FRMPD2: variants seen among roughly 807,000 people sequenced by gnomAD.
FRMPD2 encodes FERM and PDZ domain containing 2, also known as FERM and PDZ domain-containing protein 2.
Under a neutral mutation model 140.1 loss-of-function variants are expected in FRMPD2, and 96 were observed. That is an observed-to-expected ratio of 0.69 (90% CI 0.58 to 0.81). FRMPD2 has a LOEUF of 0.81. FRMPD2 is among the 40% of genes least tolerant of loss of function. FRMPD2 has a pLI of 0.00. For synonymous variants in FRMPD2, 449 were observed against 547.6 expected (o/e 0.82, Z 2.52); for missense variants, 1,240 against 1,447.4 (o/e 0.86, Z 2.32).
chr10:48,187,979 C>T (rs879542911), intron 16 of FRMPD2, among the ~76,000 whole-genome samples: 1 of 152,130 alleles, frequency 6.6e-6, no homozygotes, highest in Non-Finnish European at 1.5e-5. Flanking sequence ...TTGCCACAGC[C>T]CCGGGGTCAG....
chr10:48,260,831 G>T (rs1268396046), intron 1 of FRMPD2, among the ~76,000 whole-genome samples: 3 of 152,112 alleles, frequency 2.0e-5, no homozygotes, highest in African/African-American at 4.8e-5. Flanking sequence ...CAGAAATCTT[G>T]GGATTATCAT....
At position 48,212,037 on chromosome 10, in the gene FRMPD2, G is replaced by A. The variant is rs370652383; in HGVS notation, c.1528C>T (p.Leu510=). The A allele has an allele frequency of 6.2e-7, 1 of 1,613,956 alleles. No individual in the cohort carries two copies. Among genetic ancestry groups the A allele is most frequent in the East Asian group, 2.2e-5 (1 of 44,882 alleles). The part of the protein sequence containing the change: ...PASLIERMTA[L]RVQVEVSEMH... ...TCTGAGACTTCAACCTGGACCCGTAGAGCGGTCATCCTCTCGATCAGACTC... is the reference window on the plus strand; with the variant it reads ...TCTGAGACTTCAACCTGGACCCGTAAAGCGGTCATCCTCTCGATCAGACTC... The change falls in exon 13 of 29, where the codon CTA becomes TTA. Residue 510 remains leucine, a synonymous_variant. Transcript: ENST00000374201.
intron 6 of FRMPD2, 132 bp downstream of exon 6, chr10:48,240,228 G>T: frequency 1.0e-6 from 1 of 980,310 alleles, no homozygotes; most frequent in South Asian, 1.7e-5. Flanking sequence ...CTCTTCAGGG[G>T]CTTCCTGAAA....
intron 1 of FRMPD2, among the ~76,000 whole-genome samples, chr10:48,270,720 C>T (rs1241007512): frequency 6.6e-6 from 1 of 152,010 alleles, no homozygotes; most frequent in Non-Finnish European, 1.5e-5. Context: ...CCTCTTTCAA[C>T]CTCTCTTATT....
chr10:48,191,187 C>A (rs1184418535), intron 16 of FRMPD2, among the ~76,000 whole-genome samples: 1 of 152,068 alleles, frequency 6.6e-6, no homozygotes, highest in Admixed American at 6.6e-5. Flanking sequence ...TGCTGGAGAC[C>A]CCACATGAAG....
chr10:48,179,750 ACAT>A (rs1838496004), intron 21 of FRMPD2, among the ~76,000 whole-genome samples: 1 of 152,110 alleles, frequency 6.6e-6, no homozygotes, highest in African/African-American at 2.4e-5. Flanking sequence ...CTGTGGACAG[ACAT>A]CATTATCTCC....
Position 48,252,738 on chromosome 10 carries a change from T to A in FRMPD2, c.26-1047A>T, listed in dbSNP as rs1296454037. Reference sequence around the variant, plus strand: ...AGCTTGACCTGTGAGCCGTCACTTATCACAAGGAGTCTGTGAAGAAGGGAG... The same window carrying A: ...AGCTTGACCTGTGAGCCGTCACTTAACACAAGGAGTCTGTGAAGAAGGGAG... On this transcript the variant is annotated intron_variant, in intron 1 of 28. Coordinates refer to ENST00000374201, the MANE Select transcript of FRMPD2 (RefSeq NM_001018071.4). 3.3e-5 allele frequency among the ~76,000 whole-genome samples: 5 copies of A among 152,168 alleles called. No individual in the cohort carries two copies. In the South Asian group the frequency reaches 1.0e-3, roughly 32 times the overall value.
chr10:48,215,836 T>C (rs574607728), intron 12 of FRMPD2, among the ~76,000 whole-genome samples: 1 of 152,280 alleles, frequency 6.6e-6, no homozygotes, highest in East Asian at 1.9e-4. Flanking sequence ...TGGTCCATTT[T>C]ATGTGTCAAC....
At chr10:48,224,090 A>G (rs1279057371) in intron 10 of FRMPD2, among the ~76,000 whole-genome samples, 1 of 152,216 alleles carries the variant, frequency 6.6e-6, no homozygotes, top group African/African-American at 2.4e-5. Context: ...AAGTGGTTCC[A>G]GATTGAAAAT....
intron 3 of FRMPD2, 112 bp downstream of exon 3, chr10:48,248,909 T>C (rs1218298809): frequency 1.1e-6 from 1 of 879,104 alleles, no homozygotes; most frequent in African/African-American, 1.7e-5. Context: ...TCTGGCTTGG[T>C]GTTGAGAACC....
At chr10:48,258,884 A>T (rs1326918874) in intron 1 of FRMPD2, among the ~76,000 whole-genome samples, 1 of 152,264 alleles carries the variant, frequency 6.6e-6, no homozygotes, top group African/African-American at 2.4e-5. Flanking sequence ...TTTTATAAAA[A>T]TTATTGAATT....
chr10:48,184,985 T>C (rs2131837700), intron 18 of FRMPD2, 104 bp from the exon 19 acceptor site: 1 of 739,810 alleles, frequency 1.4e-6, no homozygotes, highest in African/African-American at 1.8e-5. Flanking sequence ...CAAGTGGCAT[T>C]AGCTGATAGT....
chr10:48,234,656 G>C (rs1588845467), intron 9 of FRMPD2, among the ~76,000 whole-genome samples: 1 of 152,276 alleles, frequency 6.6e-6, no homozygotes, highest in East Asian at 1.9e-4. Context: ...CTGTTTCCCA[G>C]GTAAGGGACA....
At chr10:48,267,889 A>G (rs1194493954) in intron 1 of FRMPD2, among the ~76,000 whole-genome samples, 1 of 152,240 alleles carries the variant, frequency 6.6e-6, no homozygotes, top group Admixed American at 6.5e-5. Flanking sequence ...AAGAAGCCAG[A>G]TGTAAAAGCC....
chr10:48,273,510 C>T (rs762481533), intron 1 of FRMPD2, among the ~76,000 whole-genome samples: 3 of 152,164 alleles, frequency 2.0e-5, no homozygotes, highest in Non-Finnish European at 2.9e-5. Context: ...TTTGCATGTG[C>T]TTTTCTCTGC....
At chr10:48,192,974 T>C (rs1838870273) in intron 15 of FRMPD2, 80 bp from the exon 16 acceptor site, 1 of 1,054,198 alleles carries the variant, frequency 9.5e-7, no homozygotes, top group Admixed American at 1.7e-5. Flanking sequence ...TTGTAACATA[T>C]CACTGGGCCC....
intron 15 of FRMPD2, among the ~76,000 whole-genome samples, chr10:48,196,691 G>A (rs1429783332): frequency 6.6e-6 from 1 of 152,212 alleles, no homozygotes; most frequent in South Asian, 2.1e-4. Context: ...GTTCTCGGCT[G>A]CATGTAATCG....
At chr10:48,177,550 G>A (rs1408714978) in intron 22 of FRMPD2, 1 of 160,996 alleles carries the variant, frequency 6.2e-6, no homozygotes, top group Non-Finnish European at 1.4e-5. Context: ...CTTTCACAAG[G>A]GTCTACCAGG....
At chr10:48,186,980 T>C (rs1476501855) in intron 17 of FRMPD2, among the ~76,000 whole-genome samples, 1 of 152,158 alleles carries the variant, frequency 6.6e-6, no homozygotes, top group Non-Finnish European at 1.5e-5. Flanking sequence ...GGGATTGTCT[T>C]CGCCAGAGCT....
Sources: allele counts gnomAD v4.1 joint callset (sites outside exome capture counted in the v4.1 genomes callset), GRCh38; gene constraint gnomAD v4.1.1; transcripts MANE v1.5; gene names NCBI Gene and HGNC (gene_info 2026-07-23, HGNC 2026-07-21).